Variants in ZNF892 observed in about 807,000 individuals in gnomAD.
ZNF892 encodes the protein zinc finger protein 892.
At chr2:95,232,276 C>T in the ZNF892 span, among the ~76,000 whole-genome samples, 4 of 152,218 alleles carry the variant, frequency 2.6e-5, no homozygotes, top group Non-Finnish European at 4.4e-5. Flanking sequence ...ATGCATCAGG[C>T]ACTGTTTTAA....
At chr2:95,251,153 T>TAACATACATATGTAGATATG in the ZNF892 span, among the ~76,000 whole-genome samples, 1 of 152,090 alleles carries the variant, frequency 6.6e-6, no homozygotes. Context: ...CACCTATACA[T>TAACATACATATGTAGATATG]AACATACATA....
At chr2:95,251,601 G>T in the ZNF892 span, among the ~76,000 whole-genome samples, 1 of 152,212 alleles carries the variant, frequency 6.6e-6, no homozygotes, top group Non-Finnish European at 1.5e-5. Flanking sequence ...GGCAAGGAAG[G>T]CTGAGACGGC....
the ZNF892 span, among the ~76,000 whole-genome samples, chr2:95,231,709 A>G: frequency 1.3e-5 from 2 of 152,172 alleles, no homozygotes; most frequent in African/African-American, 4.8e-5. Context: ...AGTTCTCTGT[A>G]CTATTACTGA....
chr2:95,230,675 G>A, the ZNF892 span, among the ~76,000 whole-genome samples: 1 of 152,164 alleles, frequency 6.6e-6, no homozygotes, highest in South Asian at 2.1e-4. Context: ...TGCTTCCGAT[G>A]GGATGGAGGT....
At chr2:95,223,599 C>T in the ZNF892 span, among the ~76,000 whole-genome samples, 1 of 152,104 alleles carries the variant, frequency 6.6e-6, no homozygotes, top group Non-Finnish European at 1.5e-5. Context: ...TGGGGTTTCA[C>T]CATGTTGGCC....
At chr2:95,261,425 G>C in the ZNF892 span, among the ~76,000 whole-genome samples, 6 of 151,994 alleles carry the variant, frequency 3.9e-5, no homozygotes, top group Admixed American at 3.9e-4. Flanking sequence ...CTCTTGAGTA[G>C]CTGGGATTAC....
At chr2:95,252,921 G>T in the ZNF892 span, among the ~76,000 whole-genome samples, 9 of 152,156 alleles carry the variant, frequency 5.9e-5, no homozygotes, top group Admixed American at 3.9e-4. Context: ...TCGCCCACTT[G>T]TTGATGGGGT....
chr2:95,206,816 T>TAAGG, the ZNF892 span, among the ~76,000 whole-genome samples: 1 of 152,136 alleles, frequency 6.6e-6, no homozygotes, highest in Non-Finnish European at 1.5e-5. Flanking sequence ...TCTTGTAAAT[T>TAAGG]AAGGGGTCAA....
At chr2:95,210,463 C>A in the ZNF892 span, among the ~76,000 whole-genome samples, 1 of 152,076 alleles carries the variant, frequency 6.6e-6, no homozygotes, top group African/African-American at 2.4e-5. Flanking sequence ...GCATTACCTG[C>A]CCTACTCCCT....
chr2:95,240,734 A>G, the ZNF892 span, among the ~76,000 whole-genome samples: 4 of 152,260 alleles, frequency 2.6e-5, no homozygotes, highest in South Asian at 6.2e-4. Context: ...GCCAACAGCA[A>G]CTGGCTGGAG....
At chr2:95,232,729 A>G in the ZNF892 span, among the ~76,000 whole-genome samples, 3 of 152,018 alleles carry the variant, frequency 2.0e-5, no homozygotes, top group Non-Finnish European at 4.4e-5. Flanking sequence ...AAAGGATTCT[A>G]TTTTATCATC....
At chr2:95,260,359 G>A in the ZNF892 span, among the ~76,000 whole-genome samples, 8 of 152,054 alleles carry the variant, frequency 5.3e-5, no homozygotes, top group East Asian at 5.8e-4. Flanking sequence ...TCTGGCCTCC[G>A]TGTTACCCGC....
the ZNF892 span, among the ~76,000 whole-genome samples, chr2:95,245,396 A>G: frequency 7.2e-6 from 1 of 139,326 alleles, no homozygotes; most frequent in African/African-American, 2.7e-5. Flanking sequence ...ACAGGCGCCC[A>G]CCACCACACC....
the ZNF892 span, among the ~76,000 whole-genome samples, chr2:95,256,153 T>C: frequency 1.3e-5 from 2 of 152,240 alleles, no homozygotes; most frequent in South Asian, 4.1e-4. Flanking sequence ...GTTGATGCAG[T>C]TTCTTCCTAG....
At chr2:95,261,818 G>A in the ZNF892 span, among the ~76,000 whole-genome samples, 3 of 152,188 alleles carry the variant, frequency 2.0e-5, no homozygotes, top group Non-Finnish European at 4.4e-5. Context: ...GGACCTCCAG[G>A]CAGAAGTCCC....
chr2:95,223,666 G>A, the ZNF892 span, among the ~76,000 whole-genome samples: 2 of 152,106 alleles, frequency 1.3e-5, no homozygotes, highest in Admixed American at 6.5e-5. Context: ...CTCCCAAAGT[G>A]CTGGAAATAC....
chr2:95,246,565 G>A, the ZNF892 span, among the ~76,000 whole-genome samples: 1 of 152,198 alleles, frequency 6.6e-6, no homozygotes, highest in Non-Finnish European at 1.5e-5. Flanking sequence ...AAGAGAGGAA[G>A]TCAAATTGTC....
chr2:95,257,178 G>C, the ZNF892 span, among the ~76,000 whole-genome samples: 1 of 152,154 alleles, frequency 6.6e-6, no homozygotes, highest in Non-Finnish European at 1.5e-5. Flanking sequence ...TTTTTCTGCT[G>C]TTTTTTCCCC....
the ZNF892 span, among the ~76,000 whole-genome samples, chr2:95,243,539 G>A: frequency 4.7e-5 from 7 of 149,650 alleles, no homozygotes; most frequent in Non-Finnish European, 8.9e-5. Flanking sequence ...CTGCCCGGCC[G>A]CCCCGTCTGA....
Sources: allele counts gnomAD v4.1 joint callset (sites outside exome capture counted in the v4.1 genomes callset), GRCh38; gene constraint gnomAD v4.1.1; transcripts MANE v1.5; gene names NCBI Gene and HGNC (gene_info 2026-07-23, HGNC 2026-07-21).